MACF1: variants seen among roughly 807,000 people sequenced by gnomAD.
The protein encoded by MACF1 is microtubule-actin cross-linking factor 1.
A neutral mutation model predicts 854.8 loss-of-function variants in MACF1; 193 were observed. That is an observed-to-expected ratio of 0.23 (90% confidence interval 0.20 to 0.25). MACF1 has a LOEUF of 0.25. MACF1 is among the 10% of genes least tolerant of loss of function. The pLI, the probability that MACF1 is intolerant of heterozygous loss-of-function variation, is 1.00. For synonymous variants in MACF1, 3,185 were observed against 3,226.7 expected, an observed-to-expected ratio of 0.99 and a Z score of 0.44; for missense variants, 7,722 against 8,929.1, an observed-to-expected ratio of 0.86 and a Z score of 5.45.
chr1:39,127,189 G>A (rs917786289), intron 2 of MACF1, among the ~76,000 whole-genome samples: 3 of 152,142 alleles, frequency 2.0e-5, no homozygotes, highest in Non-Finnish European at 4.4e-5. Context: ...GCCACTGCAC[G>A]CCAGCCTGAC....
At chr1:39,166,449 TATTC>T (rs1643884010) in intron 2 of MACF1, among the ~76,000 whole-genome samples, 1 of 50,910 alleles carries the variant, frequency 2.0e-5, no homozygotes, top group East Asian at 4.7e-4. Flanking sequence ...TTTATTTATT[TATTC>T]ATTCATTCAT....
intron 23 of MACF1, among the ~76,000 whole-genome samples, chr1:39,304,015 T>G (rs1393594457): frequency 6.6e-6 from 1 of 151,928 alleles, no homozygotes; most frequent in Non-Finnish European, 1.5e-5. Flanking sequence ...TGCCATTTCT[T>G]TCTTTTTTTT....
intron 2 of MACF1, among the ~76,000 whole-genome samples, chr1:39,146,839 A>G (rs910051948): frequency 2.0e-5 from 3 of 152,206 alleles, no homozygotes; most frequent in African/African-American, 7.2e-5. Flanking sequence ...AAAAATAACT[A>G]AAAGAGTTTA....
At position 39,084,344 on chromosome 1, in the gene MACF1, C is replaced by T; in HGVS notation, c.126C>T (p.Thr42=). The change falls in exon 2 of 94, where the codon ACC becomes ACT. Residue 42 remains threonine, a synonymous_variant. Transcript: ENST00000361689. This position sits in a 1 kb window ranked among gnomAD's most constrained non-coding sequence, Gnocchi z 5.2. ...TGTCTCCCTGTCCCCCAGGGGACAC[C>T]TTGCCCTGGAACCTGCCACTGCATG... 1 of 1,613,964 alleles carries T rather than the reference C, an allele frequency of 6.2e-7. No homozygotes were observed.
At chr1:39,239,196 G>A (rs142326869) in intron 2 of MACF1, among the ~76,000 whole-genome samples, 3,894 of 152,256 alleles carry the variant, frequency 0.026, 67 homozygotes, top group Non-Finnish European at 0.037. Context: ...CAGGAGAATC[G>A]CTTGAACACG....
At chr1:39,336,900 T>C (rs1646820318) in intron 37 of MACF1, among the ~76,000 whole-genome samples, 1 of 152,222 alleles carries the variant, frequency 6.6e-6, no homozygotes, top group African/African-American at 2.4e-5. Context: ...AACGAGCTAA[T>C]AGAAATACTA....
rs766563247 is a variant in MACF1 at position 39,434,530 on chromosome 1, A to G, written c.17682A>G (p.Glu5894=). ...VLVNQFWETY[E]ELSPWIEETR... is the part of the protein sequence containing the mutation. ...TAAACCAGTTTTGGGAAACTTATGA[A>G]GAGCTCAGCCCCTGGATTGAGGAAA... The change falls in exon 69 of 101, where the codon GAA becomes GAG. Residue 5894 remains glutamate (E), a synonymous_variant. Coordinates refer to ENST00000564288, the MANE Select transcript of MACF1 (RefSeq NM_001394062.1). The G allele has an allele frequency of 1.9e-6, 3 of 1,614,160 alleles. No individual in the cohort carries two copies. The highest frequency in any genetic ancestry group is 1.7e-5 in the Admixed American group (1 of 60,020).
intron 26 of MACF1, among the ~76,000 whole-genome samples, chr1:39,314,234 C>G (rs1457355733): frequency 6.6e-6 from 1 of 152,036 alleles, no homozygotes; most frequent in African/African-American, 2.4e-5. Flanking sequence ...CATGGTAAAA[C>G]CTCGTCTCTA....
chr1:39,289,070 C>T (rs1009297157), intron 15 of MACF1, among the ~76,000 whole-genome samples: 1 of 152,144 alleles, frequency 6.6e-6, no homozygotes, highest in Non-Finnish European at 1.5e-5. Context: ...ATGACAGGTT[C>T]TCATTCTTTT....
At chr1:39,292,451 A>G (rs1216375893) in intron 16 of MACF1, among the ~76,000 whole-genome samples, 1 of 152,112 alleles carries the variant, frequency 6.6e-6, no homozygotes, top group African/African-American at 2.4e-5. Flanking sequence ...TTCCCAGTTT[A>G]TATTTCAACT....
Position 39,387,876 on chromosome 1 carries a change from C to A in MACF1, c.15034C>A (p.Leu5012Ile). Residue 5012 changes from leucine (L) to isoleucine (I), a missense_variant, in exon 58 of 101, where the codon CTC becomes ATC. Around this residue, in one of 15 missense-constraint regions of MACF1, gnomAD observed 2,807 missense variants for 3,235.8 expected, o/e 0.87. Transcript: ENST00000564288. The part of the protein sequence containing the change: ...TGSLEEMTQR[L>I]REFQESFKNI... ...GTCACTCGAAGAAATGACTCAGAGGCTCAGGGAGTTCCAGGAAAGCTTTAA... is the reference window on the plus strand; with the variant it reads ...GTCACTCGAAGAAATGACTCAGAGGATCAGGGAGTTCCAGGAAAGCTTTAA... 1 of 1,613,944 alleles carries A rather than the reference C, an allele frequency of 6.2e-7. No individual in the cohort carries two copies.
At chr1:39,220,561 C>T (rs1489620689) in intron 1 of MACF1, among the ~76,000 whole-genome samples, 1 of 148,548 alleles carries the variant, frequency 6.7e-6, no homozygotes, top group Non-Finnish European at 1.5e-5. Flanking sequence ...CAGCTCACTG[C>T]AGCCTCTGCC....
chr1:39,161,620 A>G (rs1009579035), intron 2 of MACF1, among the ~76,000 whole-genome samples: 1 of 152,112 alleles, frequency 6.6e-6, no homozygotes, highest in Admixed American at 6.6e-5. Context: ...TAATCCTAGC[A>G]CTTCAGGAGG....
chr1:39,291,539 ACTT>A (rs1361901298), intron 15 of MACF1, among the ~76,000 whole-genome samples: 1 of 152,204 alleles, frequency 6.6e-6, no homozygotes, highest in Non-Finnish European at 1.5e-5. Context: ...ATTTTCAGAT[ACTT>A]CTTTGTTATA....
chr1:39,379,186 T>C lies in MACF1; in HGVS notation c.13277-17T>C. On this transcript the variant is annotated splice_polypyrimidine_tract_variant and intron_variant, in intron 53 of 100. Coordinates refer to ENST00000564288, the MANE Select transcript of MACF1 (RefSeq NM_001394062.1). Reference sequence around the variant, plus strand: ...GAAGAGCTGTCTCCAATCTGATTTCTGTTTCTATGATACTAGATCTGACGG... The same window carrying C: ...GAAGAGCTGTCTCCAATCTGATTTCCGTTTCTATGATACTAGATCTGACGG... 1 of 1,552,162 alleles carries C rather than the reference T, an allele frequency of 6.4e-7. No individual in the cohort carries two copies. Among genetic ancestry groups the C allele is most frequent in the South Asian group, 1.2e-5 (1 of 80,944 alleles).
chr1:39,439,639 C>G (rs1191945538), intron 72 of MACF1, 139 bp downstream of exon 72: 2 of 667,088 alleles, frequency 3.0e-6, no homozygotes. Context: ...GTTTTTTGCT[C>G]TTGTCCCCAA....
chr1:39,338,087 G>A (rs1288523537), intron 38 of MACF1, among the ~76,000 whole-genome samples: 4 of 152,058 alleles, frequency 2.6e-5, no homozygotes, highest in Admixed American at 2.0e-4. Flanking sequence ...TGTTATCTGC[G>A]TGGTTTTGGA....
intron 57 of MACF1, 74 bp from the exon 58 acceptor site, chr1:39,387,113 C>G: frequency 1.3e-6 from 2 of 1,509,418 alleles, no homozygotes; most frequent in South Asian, 2.6e-5. Context: ...AAGATTAGAC[C>G]GTATACTCTC....
chr1:39,256,650 C>T (rs1645100012), intron 5 of MACF1, among the ~76,000 whole-genome samples: 4 of 152,100 alleles, frequency 2.6e-5, no homozygotes, highest in Admixed American at 2.6e-4. Context: ...TTTAAAGTTC[C>T]ACGTCCCAGG....
Sources: gnomAD v4.1 joint callset for allele counts (sites outside exome capture counted in the v4.1 genomes callset) on GRCh38, gnomAD v4.1.1 for gene constraint, gnomAD v4.1.1 regional missense constraint, Gnocchi (gnomAD v3.1) non-coding constraint, MANE v1.5 for transcripts, NCBI Gene and HGNC (gene_info 2026-07-23, HGNC 2026-07-21) for gene names.